Variants in BIN3 observed in about 807,000 individuals in gnomAD.
BIN3 encodes bridging integrator 3.
In BIN3, 41 loss-of-function variants were observed where a neutral mutation model predicts 38.2. That is an observed-to-expected ratio of 1.07 (90% CI 0.84 to 1.39). The LOEUF is 1.39. Among genes scored for constraint, BIN3 ranks in the 40% most tolerant of loss-of-function variants. BIN3 has a pLI of 0.00. For missense variants in BIN3, 361 were observed against 324.3 expected, an observed-to-expected ratio of 1.11 and a Z score of -0.87; for synonymous variants, 145 against 122.6, an observed-to-expected ratio of 1.18 and a Z score of -1.21.
intron 6 of BIN3, chr8:22,629,625 A>T (rs369937261): frequency 8.2e-6 from 3 of 363,970 alleles, no homozygotes. Flanking sequence ...GCTGGCCAAG[A>T]TCTCTGCTAG....
intron 6 of BIN3, chr8:22,629,725 T>C (rs1405754038): frequency 2.0e-5 from 11 of 548,986 alleles, no homozygotes; most frequent in Non-Finnish European, 2.3e-5. Context: ...CTGGGTGGGG[T>C]GGGAAGGGGG....
chr8:22,648,117 AGAGT>A (rs1351874170), intron 1 of BIN3, among the ~76,000 whole-genome samples: 4 of 145,596 alleles, frequency 2.7e-5, no homozygotes, highest in Non-Finnish European at 6.0e-5. Flanking sequence ...CCTGCGCGAC[AGAGT>A]GAGACTCCGT....
intron 2 of BIN3, 187 bp downstream of exon 2, chr8:22,644,568 A>C (rs1328740124): frequency 5.2e-6 from 3 of 578,782 alleles, no homozygotes; most frequent in African/African-American, 1.9e-5. Context: ...TCCTAGGGGA[A>C]GTGTCCCAGG....
At chr8:22,662,815 A>G (rs927577148) in intron 1 of BIN3, among the ~76,000 whole-genome samples, 10 of 152,224 alleles carry the variant, frequency 6.6e-5, no homozygotes, top group Non-Finnish European at 1.5e-4. Context: ...AAGAAAAAAA[A>G]AGTCAACTGA....
At chr8:22,658,972 G>A (rs1028018704) in intron 1 of BIN3, among the ~76,000 whole-genome samples, 1 of 152,240 alleles carries the variant, frequency 6.6e-6, no homozygotes, top group African/African-American at 2.4e-5. Context: ...CCCCTCCCCC[G>A]GGGCCTTCTG....
rs143731104 is a variant in BIN3 at position 22,639,922 on chromosome 8, C to T, written c.58-2960G>A. Among the ~76,000 whole-genome samples, 469 of 152,008 alleles carry T rather than the reference C, an allele frequency of 3.1e-3. 5 individuals carry two copies. Among genetic ancestry groups the T allele is most frequent in the African/African-American group, 0.011 (448 of 41,430 alleles). ...TGTCACCCAGGCTACAGGGCAATGG[C>T]GTGATCTCGGCTCACCGCAACCTCC... On this transcript the variant is annotated intron_variant, in intron 2 of 8. Transcript: ENST00000276416.
intron 4 of BIN3, among the ~76,000 whole-genome samples, chr8:22,633,553 T>G (rs1054172728): frequency 4.6e-5 from 7 of 152,240 alleles, no homozygotes; most frequent in African/African-American, 1.7e-4. Context: ...CTGAAAGTAG[T>G]ATGAGTTTCT....
intron 4 of BIN3, among the ~76,000 whole-genome samples, chr8:22,632,244 C>A (rs866251486): frequency 2.6e-5 from 4 of 152,200 alleles, no homozygotes; most frequent in African/African-American, 9.6e-5. Context: ...CCTTGCCTAG[C>A]ACTCCATGGC....
At chr8:22,646,315 CCT>C (rs1214207704) in intron 1 of BIN3, among the ~76,000 whole-genome samples, 2 of 152,108 alleles carry the variant, frequency 1.3e-5, no homozygotes, top group African/African-American at 4.8e-5. Flanking sequence ...CATGCTCATC[CCT>C]CTCCTTTTGG....
intron 2 of BIN3, among the ~76,000 whole-genome samples, chr8:22,642,648 T>C (rs570524058): frequency 6.6e-6 from 1 of 152,320 alleles, no homozygotes; most frequent in East Asian, 1.9e-4. Context: ...GTGTATTATC[T>C]TGTGTGAGCC....
chr8:22,655,002 A>T (rs751234940), intron 1 of BIN3, among the ~76,000 whole-genome samples: 1 of 152,174 alleles, frequency 6.6e-6, no homozygotes, highest in Non-Finnish European at 1.5e-5. Context: ...TTTTCATTTT[A>T]GCCATCCTAG....
At position 22,668,944 on chromosome 8, in the gene BIN3, C is replaced by A. The variant is rs945912656; in HGVS notation, c.8+100G>T. On this transcript the variant is annotated intron_variant, in intron 1 of 8. Transcript: ENST00000276416. ...GGGCCTTGCTCTGGGGCGGAGGGGT[C>A]GCGCGGGACCGGAGGGAGCCGGGAC... 15 of 1,483,202 alleles carry A rather than the reference C, an allele frequency of 1.0e-5. 1 individual carries two copies. The African/African-American group carries it at 2.1e-4, about 21-fold the overall frequency. 91.9% of individuals were successfully genotyped at this position (1,483,202 alleles called of 1,614,324 possible). A position where few individuals can be genotyped will look rare whatever the true frequency, so the allele number is the denominator to read the frequency against.
At chr8:22,630,050 G>A (rs1194574061) in intron 5 of BIN3, 46 bp from the exon 6 acceptor site, 5 of 1,558,926 alleles carry the variant, frequency 3.2e-6, no homozygotes, top group Non-Finnish European at 4.4e-6. Context: ...GGGGAGGGGA[G>A]GGCGACACGC....
chr8:22,654,966 T>C (rs1033343496), intron 1 of BIN3, among the ~76,000 whole-genome samples: 4 of 152,234 alleles, frequency 2.6e-5, no homozygotes, highest in African/African-American at 9.6e-5. Context: ...GGTTCCAATT[T>C]CTCCACATCC....
At chr8:22,635,690 C>A (rs766818510) in intron 4 of BIN3, among the ~76,000 whole-genome samples, 3 of 152,216 alleles carry the variant, frequency 2.0e-5, no homozygotes, top group Non-Finnish European at 2.9e-5. Context: ...GGTGACGGAA[C>A]TGAGGTAGAG....
intron 2 of BIN3, among the ~76,000 whole-genome samples, chr8:22,643,452 TC>T (rs1802625088): frequency 6.6e-6 from 1 of 152,220 alleles, no homozygotes; most frequent in Non-Finnish European, 1.5e-5. Context: ...TGCTTTAGCC[TC>T]CCAAGTAGCT....
chr8:22,644,094 G>A (rs752097243), intron 2 of BIN3, among the ~76,000 whole-genome samples: 4 of 152,194 alleles, frequency 2.6e-5, no homozygotes, highest in South Asian at 2.1e-4. Flanking sequence ...AACTTTCCAC[G>A]GGCCTCATTT....
intron 1 of BIN3, among the ~76,000 whole-genome samples, chr8:22,656,737 G>A (rs935764815): frequency 1.3e-5 from 2 of 152,138 alleles, no homozygotes; most frequent in Non-Finnish European, 2.9e-5. Flanking sequence ...TCACTAAAAG[G>A]TACAAATATT....
intron 4 of BIN3, among the ~76,000 whole-genome samples, chr8:22,631,050 G>A (rs1297737067): frequency 6.6e-6 from 1 of 152,128 alleles, no homozygotes; most frequent in Non-Finnish European, 1.5e-5. Context: ...TTCAGGCTTC[G>A]TGGGCCATAC....
Sources: allele counts gnomAD v4.1 joint callset (sites outside exome capture counted in the v4.1 genomes callset), GRCh38; gene constraint gnomAD v4.1.1; transcripts MANE v1.5; gene names NCBI Gene and HGNC (gene_info 2026-07-23, HGNC 2026-07-21).